The following TENM3 variants were observed in gnomAD, a reference collection of about 807,000 sequenced individuals.
TENM3 encodes teneurin transmembrane protein 3, also known as teneurin-3.
TENM3 carries 63 observed loss-of-function variants against 255.1 expected under a neutral mutation model. That is an observed-to-expected ratio of 0.25 (90% CI 0.20 to 0.30). TENM3 has a LOEUF of 0.30. Ranked by LOEUF, TENM3 falls within the 10% of genes least tolerant of loss-of-function variation. The probability of loss-of-function intolerance (pLI) is 1.00; values close to 1 mark genes in which losing one functional copy is unlikely to be tolerated. For synonymous variants in TENM3, 1,306 were observed against 1,322.3 expected (o/e 0.99, Z 0.27); for missense variants, 2,929 against 3,461.1 (o/e 0.85, Z 3.86).
At chr4:182,207,549 T>A (rs1195881790) in intron 1 of TENM3, among the ~76,000 whole-genome samples, 1 of 152,126 alleles carries the variant, frequency 6.6e-6, no homozygotes, top group Non-Finnish European at 1.5e-5. Context: ...TCCCCCTGCT[T>A]TTTTGGGGAG....
the TENM3 span, among the ~76,000 whole-genome samples, chr4:181,578,277 T>C: frequency 6.6e-6 from 1 of 152,218 alleles, no homozygotes; most frequent in South Asian, 2.1e-4. Context: ...AGTCCAGCTT[T>C]GTCTGGAGGT....
the TENM3 span, among the ~76,000 whole-genome samples, chr4:182,011,978 G>A: frequency 2.6e-5 from 4 of 152,196 alleles, no homozygotes; most frequent in African/African-American, 7.2e-5. Flanking sequence ...ACTTCATGGA[G>A]AGACCTAGAT....
chr4:181,754,744 G>A, the TENM3 span, among the ~76,000 whole-genome samples: 1 of 152,272 alleles, frequency 6.6e-6, no homozygotes, highest in South Asian at 2.1e-4. Flanking sequence ...CGCAACTACA[G>A]TCATGACTCT....
At chr4:182,394,483 A>G (rs926679731) in intron 3 of TENM3, among the ~76,000 whole-genome samples, 31 of 152,344 alleles carry the variant, frequency 2.0e-4, no homozygotes, top group Admixed American at 3.3e-4. Flanking sequence ...CAATTAACCA[A>G]TGAATCAGGG....
the TENM3 span, among the ~76,000 whole-genome samples, chr4:181,625,582 G>A: frequency 6.6e-6 from 1 of 152,196 alleles, no homozygotes; most frequent in African/African-American, 2.4e-5. Context: ...GGAGGCCAAG[G>A]CATGCTGATC....
the TENM3 span, among the ~76,000 whole-genome samples, chr4:181,898,406 C>G: frequency 2.0e-5 from 3 of 152,046 alleles, no homozygotes; most frequent in Non-Finnish European, 4.4e-5. Flanking sequence ...ATATCTAAAG[C>G]CTGTTCCTGG....
At chr4:182,349,971 T>G (rs528747080) in intron 3 of TENM3, 72 of 187,958 alleles carry the variant, frequency 3.8e-4, no homozygotes, top group Non-Finnish European at 7.3e-4. Context: ...TGGTTTAACA[T>G]GAGAGCTTGC....
At chr4:181,725,573 G>C in the TENM3 span, among the ~76,000 whole-genome samples, 1 of 151,430 alleles carries the variant, frequency 6.6e-6, no homozygotes, top group African/African-American at 2.4e-5. Flanking sequence ...TGAGTAGCTG[G>C]GACTACAGGT....
chr4:181,511,313 AC>A, the TENM3 span, among the ~76,000 whole-genome samples: 6 of 152,226 alleles, frequency 3.9e-5, no homozygotes, highest in Non-Finnish European at 8.8e-5. Context: ...CCATAGGCAG[AC>A]ATTTGGAATC....
the TENM3 span, among the ~76,000 whole-genome samples, chr4:181,548,492 A>G: frequency 6.6e-6 from 1 of 152,208 alleles, no homozygotes; most frequent in Admixed American, 6.5e-5. Context: ...TAAAAAAATG[A>G]TATCCCAACT....
chr4:182,626,482 TC>T (rs1419509288), intron 4 of TENM3, among the ~76,000 whole-genome samples: 3 of 152,342 alleles, frequency 2.0e-5, no homozygotes, highest in African/African-American at 7.2e-5. Context: ...CTTCATTTAA[TC>T]CTTGGAAAAT....
intron 1 of TENM3, among the ~76,000 whole-genome samples, chr4:182,297,688 G>A (rs979388683): frequency 6.6e-6 from 1 of 152,132 alleles, no homozygotes; most frequent in Non-Finnish European, 1.5e-5. Flanking sequence ...TGTTTTTCAC[G>A]GTCTTTTAGA....
At chr4:182,778,926 G>A (rs1684149421) in intron 24 of TENM3, among the ~76,000 whole-genome samples, 1 of 145,792 alleles carries the variant, frequency 6.9e-6, no homozygotes, top group Non-Finnish European at 1.5e-5. Flanking sequence ...GTGTGTGTGT[G>A]TATAAATATA....
chr4:181,585,003 C>CAAAAAAAA, the TENM3 span, among the ~76,000 whole-genome samples: 2 of 134,798 alleles, frequency 1.5e-5, no homozygotes, highest in South Asian at 4.9e-4. Context: ...TATCCAGTGG[C>CAAAAAAAA]AAAAAAAAAA....
At chr4:182,629,248 T>G (rs1751119917) in intron 5 of TENM3, among the ~76,000 whole-genome samples, 1 of 152,118 alleles carries the variant, frequency 6.6e-6, no homozygotes, top group Non-Finnish European at 1.5e-5. Context: ...CAATGCGTAC[T>G]CAATAGGGAG....
At chr4:182,006,940 T>C in the TENM3 span, among the ~76,000 whole-genome samples, 2 of 152,194 alleles carry the variant, frequency 1.3e-5, no homozygotes, top group African/African-American at 2.4e-5. Flanking sequence ...TTTGTTCTCA[T>C]TGGTTTCAAA....
chr4:182,033,720 T>C, the TENM3 span, among the ~76,000 whole-genome samples: 1 of 152,194 alleles, frequency 6.6e-6, no homozygotes, highest in South Asian at 2.1e-4. Flanking sequence ...TGGGTGCTTT[T>C]GTATTGGGTG....
chr4:182,534,777 A>T (rs530042242), intron 3 of TENM3, among the ~76,000 whole-genome samples: 2 of 152,366 alleles, frequency 1.3e-5, no homozygotes, highest in South Asian at 4.1e-4. Context: ...AGGATTATAC[A>T]GTGAGTAAGC....
chr4:182,277,323 G>C (rs139499231), intron 1 of TENM3, among the ~76,000 whole-genome samples: 2 of 151,632 alleles, frequency 1.3e-5, no homozygotes, highest in African/African-American at 4.9e-5. Context: ...TGTTAGGCAA[G>C]TATGTTCACA....
Sources: gnomAD v4.1 joint callset for allele counts (sites outside exome capture counted in the v4.1 genomes callset) on GRCh38, gnomAD v4.1.1 for gene constraint, MANE v1.5 for transcripts, NCBI Gene and HGNC (gene_info 2026-07-23, HGNC 2026-07-21) for gene names.